The following ITPR1 variants were observed in gnomAD, a reference collection of about 807,000 sequenced individuals.
ITPR1 encodes inositol 1,4,5-trisphosphate-gated calcium channel ITPR1.
Under a neutral mutation model 318.4 loss-of-function variants are expected in ITPR1, and 96 were observed. The ratio of observed to expected loss-of-function variants is 0.30; its 90% CI spans 0.26 to 0.36. The LOEUF is 0.36. ITPR1 is among the 10% of genes least tolerant of loss of function. The probability of loss-of-function intolerance (pLI) is 1.00; values close to 1 mark genes in which losing one functional copy is unlikely to be tolerated. For missense variants in ITPR1, 2,440 were observed against 3,460.2 expected (o/e 0.71, Z 7.40); for synonymous variants, 1,312 against 1,289.9 (o/e 1.02, Z -0.37).
intron 4 of ITPR1, among the ~76,000 whole-genome samples, chr3:4,562,833 C>A (rs2086820906): frequency 6.6e-6 from 1 of 151,588 alleles, no homozygotes; most frequent in African/African-American, 2.4e-5. Context: ...ATAGAACTTA[C>A]ATTCTAGTGG....
intron 60 of ITPR1, among the ~76,000 whole-genome samples, chr3:4,832,481 A>C (rs1030888672): frequency 6.6e-5 from 10 of 152,256 alleles, no homozygotes; most frequent in African/African-American, 2.4e-4. Flanking sequence ...AAATACAAAA[A>C]TTAGCCAGGC....
intron 4 of ITPR1, among the ~76,000 whole-genome samples, chr3:4,596,585 T>C (rs577579740): frequency 6.6e-5 from 10 of 152,358 alleles, no homozygotes; most frequent in African/African-American, 2.4e-4. Flanking sequence ...GTAATAAAGG[T>C]ATAAAGTGTC....
chr3:4,830,808 T>C lies in ITPR1; in HGVS notation c.8029-5966T>C, dbSNP rs542166879. 7.2e-5 allele frequency: 28 copies of C among 391,454 alleles called. No individual in the cohort carries two copies. The East Asian group carries it at 2.0e-3, about 28-fold the overall frequency. 24.2% of individuals were successfully genotyped at this position (391,454 alleles called of 1,614,324 possible). A position where few individuals can be genotyped will look rare whatever the true frequency, so the allele number is the denominator to read the frequency against. On this transcript the variant is annotated intron_variant, in intron 60 of 61. Transcript: ENST00000649015. ...GCAGAGAAAGCAACAAGACCATTTT[T>C]CTAGGACCCATCTTCTCCCCCATGA...
intron 5 of ITPR1, among the ~76,000 whole-genome samples, chr3:4,636,266 A>G (rs889472223): frequency 3.9e-5 from 6 of 152,244 alleles, no homozygotes; most frequent in African/African-American, 1.2e-4. Context: ...GAGAACTTAT[A>G]GGAAAAGTGA....
chr3:4,504,147 C>T lies in ITPR1; in HGVS notation c.-17+9641C>T, dbSNP rs550269555. Among the ~76,000 whole-genome samples the T allele has an allele frequency of 8.5e-5, 13 of 152,262 alleles. No homozygotes were observed. The South Asian group carries it at 2.7e-3, about 32-fold the overall frequency. ...TTTTGGTTGGCTTCTCTTACTTTGG[C>T]CTTGAAGAATAGAAGCCATGAGACC... On this transcript the variant is annotated intron_variant, in intron 2 of 61. Transcript: ENST00000649015.
chr3:4,773,404 GTGTTATAAGAGTTGCCTCTCAGA>G (rs1264332600), intron 46 of ITPR1, among the ~76,000 whole-genome samples: 5 of 152,182 alleles, frequency 3.3e-5, no homozygotes, highest in African/African-American at 7.2e-5. Context: ...TGAGAGACAG[GTGTTATAAGAGTTGCCTCTCAGA>G]TGTTATAAGA....
intron 40 of ITPR1, among the ~76,000 whole-genome samples, chr3:4,719,222 G>C (rs1183479928): frequency 6.6e-6 from 1 of 152,222 alleles, no homozygotes; most frequent in Non-Finnish European, 1.5e-5. Context: ...CAGCCACTCA[G>C]ATTCTTTGAA....
rs2041287826 is a variant in ITPR1, at chr3:4,710,655, A to G, written c.4991+182A>G. Among the ~76,000 whole-genome samples the G allele has an allele frequency of 6.6e-6, 1 of 152,074 alleles. No individual in the cohort carries two copies. The highest frequency in any genetic ancestry group is 6.5e-5 in the Admixed American group (1 of 15,274). On this transcript the variant is annotated intron_variant, in intron 38 of 61. Transcript: ENST00000649015. The surrounding 1 kb of genome is among the most constrained non-coding windows in gnomAD (Gnocchi z 4.2). ...TGTCTATTAAATCCTGCTTACTGAC[A>G]CTTTTTTGTTTTGTTTTGTTTTGCT...
At chr3:4,701,888 T>G (rs1456947224) in intron 35 of ITPR1, among the ~76,000 whole-genome samples, 1 of 152,208 alleles carries the variant, frequency 6.6e-6, no homozygotes, top group Non-Finnish European at 1.5e-5. Flanking sequence ...TAAAATAGAC[T>G]TCCTTTCTCC....
In ITPR1 at chr3:4,625,746, G is replaced by A. The variant is rs1159543395; in HGVS notation, c.164-2017G>A. Among the ~76,000 whole-genome samples, 19 of 151,342 alleles carry A rather than the reference G, an allele frequency of 1.3e-4. 1 individual carries two copies. The highest frequency in any genetic ancestry group is 4.2e-4 in the South Asian group (2 of 4,782). ...TAATTTTTTGTATTTTTTAGTAGAG[G>A]CGGGGTTTCACCATGTTAGCCAGGA... On this transcript the variant is annotated intron_variant, in intron 4 of 61. Transcript: ENST00000649015.
chr3:4,776,843 CAGGA>C (rs1006170398), intron 47 of ITPR1, among the ~76,000 whole-genome samples: 3 of 152,152 alleles, frequency 2.0e-5, no homozygotes, highest in Non-Finnish European at 2.9e-5. Context: ...GTGCCTTAAA[CAGGA>C]AACTTGCTTT....
intron 54 of ITPR1, among the ~76,000 whole-genome samples, chr3:4,804,300 G>A (rs953056188): frequency 6.6e-6 from 1 of 152,224 alleles, no homozygotes; most frequent in African/African-American, 2.4e-5. Context: ...GGGTCCTAAA[G>A]CCCAGCTGGG....
rs1271428473 is a variant in ITPR1, at chr3:4,800,482, C to T, written c.6989C>T (p.Ala2330Val). ...LLWTAMLISL[A>V]IVIALPKPHG... ...TGGACAGCCATGCTCATCTCTCTGGCCATCGTCATTGCCCTCCCCAAGCCC... is the reference window on the plus strand; with the variant it reads ...TGGACAGCCATGCTCATCTCTCTGGTCATCGTCATTGCCCTCCCCAAGCCC... Residue 2330 changes from alanine to valine, a missense_variant, in exon 54 of 62, where the codon GCC becomes GTC. By Grantham distance (64) the Ala-to-Val change is moderately conservative. Around this residue, in one of 23 missense-constraint regions of ITPR1, gnomAD observed 126 missense variants for 150.8 expected, o/e 0.84. Coordinates refer to ENST00000649015, the MANE Select transcript of ITPR1 (RefSeq NM_001378452.1). 1.2e-6 allele frequency: 2 copies of T among 1,614,008 alleles called. No homozygotes were observed. The highest frequency in any genetic ancestry group is 1.7e-5 in the Admixed American group (1 of 60,028).
intron 56 of ITPR1, among the ~76,000 whole-genome samples, chr3:4,811,734 A>G (rs1041844109): frequency 6.6e-6 from 1 of 152,230 alleles, no homozygotes; most frequent in Non-Finnish European, 1.5e-5. Flanking sequence ...AGCAGTGACC[A>G]TACATATTGA....
chr3:4,533,389 A>G (rs971268603), intron 4 of ITPR1, among the ~76,000 whole-genome samples: 1 of 152,132 alleles, frequency 6.6e-6, no homozygotes, highest in Non-Finnish European at 1.5e-5. Flanking sequence ...ATATGACCAC[A>G]GGCAAGTCAT....
chr3:4,739,028 G>A (rs1413589459), intron 44 of ITPR1, among the ~76,000 whole-genome samples: 2 of 152,240 alleles, frequency 1.3e-5, no homozygotes, highest in Admixed American at 6.5e-5. Flanking sequence ...GCCTAGACTT[G>A]ACTTGTCAGA....
At chr3:4,763,414 T>A (rs1236899557) in intron 44 of ITPR1, among the ~76,000 whole-genome samples, 2 of 152,176 alleles carry the variant, frequency 1.3e-5, no homozygotes, top group African/African-American at 4.8e-5. Context: ...AGAAATGTCT[T>A]CCTTCCGTTG....
At chr3:4,718,127 T>C (rs912697840) in intron 40 of ITPR1, among the ~76,000 whole-genome samples, 28 of 152,222 alleles carry the variant, frequency 1.8e-4, no homozygotes, top group Non-Finnish European at 3.7e-4. Flanking sequence ...CTTGAATGTT[T>C]TCTGTTTTGT....
intron 5 of ITPR1, among the ~76,000 whole-genome samples, chr3:4,629,584 A>G (rs2092949888): frequency 6.6e-6 from 1 of 152,238 alleles, no homozygotes; most frequent in Non-Finnish European, 1.5e-5. Context: ...TCTGGCACAT[A>G]GTAGGTGCTC....
Sources: allele counts gnomAD v4.1 joint callset (sites outside exome capture counted in the v4.1 genomes callset), GRCh38; gene constraint gnomAD v4.1.1; regional missense constraint gnomAD v4.1.1; non-coding constraint Gnocchi (gnomAD v3.1); transcripts MANE v1.5; gene names NCBI Gene and HGNC (gene_info 2026-07-23, HGNC 2026-07-21).